Variants in MAPKBP1 observed in about 807,000 individuals in gnomAD.
MAPKBP1 encodes the protein mitogen-activated protein kinase-binding protein 1.
In MAPKBP1, 71 loss-of-function variants were observed where a neutral mutation model predicts 170.5. The ratio of observed to expected loss-of-function variants is 0.42; its 90% CI spans 0.34 to 0.51. The LOEUF (loss-of-function observed/expected upper bound fraction) is 0.51. MAPKBP1 is among the 20% of genes least tolerant of loss of function. The probability of loss-of-function intolerance (pLI) is 0.06; values close to 1 mark genes in which losing one functional copy is unlikely to be tolerated. For missense variants in MAPKBP1, 1,598 were observed against 1,933.0 expected, an observed-to-expected ratio of 0.83 and a Z score of 3.25; for synonymous variants, 719 against 757.9, an observed-to-expected ratio of 0.95 and a Z score of 0.84.
chr15:41,826,752 G>A lies in MAPKBP1; in HGVS notation c.*1316G>A, dbSNP rs946164987. The A allele has an allele frequency of 6.6e-6, 1 of 152,352 alleles. No homozygotes were observed. The highest frequency in any genetic ancestry group is 1.9e-4 in the East Asian group (1 of 5,196). 9.4% of individuals were successfully genotyped at this position (152,352 alleles called of 1,614,324 possible). The stretch of plus-strand genomic sequence containing the variant: ...ACTAGAAAAGTGGTAGATGGGACAG[G>A]TAAGTGGCAGAGGTGAGGGGATAAG... On this transcript the variant is annotated 3_prime_UTR_variant, in exon 31 of 31. Transcript: ENST00000457542.
At chr15:41,784,529 A>C (rs551618558) in intron 2 of MAPKBP1, among the ~76,000 whole-genome samples, 1 of 151,868 alleles carries the variant, frequency 6.6e-6, no homozygotes, top group Non-Finnish European at 1.5e-5. Context: ...CACACCTGTA[A>C]TCCCAGCACT....
At chr15:41,781,399 G>GTTTTT (rs71108134) in intron 2 of MAPKBP1, among the ~76,000 whole-genome samples, 3 of 140,352 alleles carry the variant, frequency 2.1e-5, no homozygotes, top group Non-Finnish European at 3.1e-5. Flanking sequence ...GGGTTTTTTT[G>GTTTTT]TTTTTTTTTT....
rs1315795743 is a variant in MAPKBP1 at position 41,812,842 on chromosome 15, C to T, written c.637-77C>T. ...AGCAAGGAGGTGCTGGAGGCGTCCC[C>T]TGTACTCTCCTAGGGCCCAGTTTCC... On this transcript the variant is annotated intron_variant, in intron 7 of 30. Transcript: ENST00000457542. 10 of 1,512,546 alleles carry T rather than the reference C, an allele frequency of 6.6e-6. No individual in the cohort carries two copies. The African/African-American group carries it at 1.4e-4, about 21-fold the overall frequency. 93.7% of individuals were successfully genotyped at this position (1,512,546 alleles called of 1,614,324 possible).
chr15:41,825,194 G>T lies in MAPKBP1; in HGVS notation c.4300-15G>T. The stretch of plus-strand genomic sequence containing the variant: ...GACAGGCTCCTCCACCTCACTTCTG[G>T]GGGTGCTATTTCAGGTGGCTGGCTG... On this transcript the variant is annotated splice_polypyrimidine_tract_variant and intron_variant, in intron 30 of 30. Coordinates refer to ENST00000457542, the MANE Select transcript of MAPKBP1 (RefSeq NM_014994.3). 6.4e-7 allele frequency: 1 copy of T among 1,569,422 alleles called. No homozygotes were observed. Among genetic ancestry groups the T allele is most frequent in the South Asian group, 1.2e-5 (1 of 86,662 alleles).
chr15:41,808,049 G>GA lies in MAPKBP1; in HGVS notation c.207-2825dup, dbSNP rs1168595786. On this transcript the variant is annotated intron_variant, in intron 3 of 30. Coordinates refer to ENST00000457542, the MANE Select transcript of MAPKBP1 (RefSeq NM_014994.3). ...GTGAGACTCCATCTCAAAAAAAAAA[G>GA]AAAAAAAAATCTAAATCTGTGCACT... 1.2e-3 allele frequency among the ~76,000 whole-genome samples: 165 copies of GA among 138,688 alleles called. 3 individuals are homozygous for GA. In the South Asian group the frequency reaches 0.026, roughly 22 times the overall value. 91.0% of individuals were successfully genotyped at this position (138,688 alleles called of 152,430 possible).
Position 41,818,324 on chromosome 15 carries a change from C to A in MAPKBP1, c.2092+19C>A. 6.3e-7 allele frequency: 1 copy of A among 1,594,564 alleles called. No homozygotes were observed. The highest frequency in any genetic ancestry group is 8.6e-7 in the Non-Finnish European group (1 of 1,162,394). On this transcript the variant is annotated intron_variant, in intron 18 of 30. Transcript: ENST00000457542. The surrounding 1 kb of genome is among the most constrained non-coding windows in gnomAD (Gnocchi z 5.2). ...CACTCAGGTGAGTGTAGCCTGAATC[C>A]CCGAGTAGAAGCTGATACCTGCGTA...
intron 2 of MAPKBP1, among the ~76,000 whole-genome samples, chr15:41,776,744 T>G (rs375653275): frequency 6.6e-6 from 1 of 152,256 alleles, no homozygotes; most frequent in Admixed American, 6.5e-5. Context: ...AAACATATAA[T>G]GAGAGTTTAG....
At position 41,818,826 on chromosome 15, in the gene MAPKBP1, C is replaced by T. The variant is rs775416862; in HGVS notation, c.2160C>T (p.Cys720=). ...CAACTGTGTGGCTTTACCCCAGCTG[C>T]ATATTTGTGTGGCGCCTGAGCTCTG... ...KHLISVSGDS[C]IFVWRLSSEM... Residue 720 remains cysteine (C), a synonymous_variant, in exon 20 of 31, where the codon TGC becomes TGT. Coordinates refer to ENST00000457542, the MANE Select transcript of MAPKBP1 (RefSeq NM_014994.3). This position sits in a 1 kb window ranked among gnomAD's most constrained non-coding sequence, Gnocchi z 5.2. 4.3e-6 allele frequency: 7 copies of T among 1,613,920 alleles called. No individual in the cohort carries two copies. Among genetic ancestry groups the T allele is most frequent in the Non-Finnish European group, 3.4e-6 (4 of 1,179,888 alleles).
At chr15:41,780,344 C>A (rs548137564) in intron 2 of MAPKBP1, among the ~76,000 whole-genome samples, 1 of 152,314 alleles carries the variant, frequency 6.6e-6, no homozygotes, top group African/African-American at 2.4e-5. Flanking sequence ...TCCCCACCAA[C>A]CCTCTGAGTC....
At chr15:41,810,767 C>A in intron 3 of MAPKBP1, 116 bp from the exon 4 acceptor site, 2 of 705,136 alleles carry the variant, frequency 2.8e-6, no homozygotes, top group Non-Finnish European at 5.0e-6. Context: ...TGGAGCCCTT[C>A]TGAGCTCTTT....
At chr15:41,809,463 C>T (rs1252762943) in intron 3 of MAPKBP1, among the ~76,000 whole-genome samples, 1 of 152,206 alleles carries the variant, frequency 6.6e-6, no homozygotes, top group African/African-American at 2.4e-5. Context: ...CAACTTGCAC[C>T]TACCTCCCTT....
rs974698342 is a variant in MAPKBP1, at chr15:41,816,998, C to T, written c.1674C>T (p.Asp558=). ...GREYSLQQTL[D]EHSSSITAVK... The stretch of plus-strand genomic sequence containing the variant: ...AGTACAGCCTACAGCAGACGCTGGA[C>T]GAACACTCATCCTCCATCACTGCTG... The change falls in exon 14 of 31, where the codon GAC becomes GAT. Residue 558 remains aspartate, a synonymous_variant. Coordinates refer to ENST00000457542, the MANE Select transcript of MAPKBP1 (RefSeq NM_014994.3). 30 of 1,609,220 alleles carry T rather than the reference C, an allele frequency of 1.9e-5. No homozygotes were observed. Among genetic ancestry groups the T allele is most frequent in the African/African-American group, 2.7e-5 (2 of 74,818 alleles).
At chr15:41,784,578 T>G (rs550450981) in intron 2 of MAPKBP1, among the ~76,000 whole-genome samples, 3 of 151,302 alleles carry the variant, frequency 2.0e-5, no homozygotes, top group East Asian at 3.9e-4. Flanking sequence ...GGTCAAGAGA[T>G]CTAGACCATC....
intron 28 of MAPKBP1, 43 bp from the exon 29 acceptor site, chr15:41,823,404 T>C (rs771756366): frequency 1.3e-6 from 2 of 1,573,900 alleles, no homozygotes; most frequent in South Asian, 2.3e-5. Flanking sequence ...CTGGGATGCC[T>C]TCCTCAACAC....
chr15:41,813,385 A>G lies in MAPKBP1; in HGVS notation c.820-236A>G, dbSNP rs1247994075. 2.6e-6 allele frequency: 4 copies of G among 1,521,358 alleles called. No individual in the cohort carries two copies. In the South Asian group the frequency reaches 3.4e-5, roughly 13 times the overall value. 94.2% of individuals were successfully genotyped at this position (1,521,358 alleles called of 1,614,324 possible). ...TGCACCTTCCTCTCTTTCTCATGCT[A>G]TTTCTTTCTCTTCACTGGGCTTTTC... On this transcript the variant is annotated intron_variant, in intron 8 of 30. Transcript: ENST00000457542.
At chr15:41,806,959 C>G (rs1026374866) in intron 3 of MAPKBP1, among the ~76,000 whole-genome samples, 1 of 152,226 alleles carries the variant, frequency 6.6e-6, no homozygotes, top group African/African-American at 2.4e-5. Context: ...ACTTCAGCAT[C>G]TGCGTTATCG....
intron 6 of MAPKBP1, 40 bp downstream of exon 6, chr15:41,812,167 G>T (rs375077888): frequency 5.6e-6 from 9 of 1,611,054 alleles, no homozygotes; most frequent in Non-Finnish European, 7.6e-6. Context: ...CCTCACAGGG[G>T]TCAAGTGTCA....
intron 3 of MAPKBP1, among the ~76,000 whole-genome samples, chr15:41,803,600 A>G (rs2064639447): frequency 6.6e-6 from 1 of 151,778 alleles, no homozygotes; most frequent in Admixed American, 6.6e-5. Context: ...CTGTAGTCCT[A>G]GCAACTGGGG....
At chr15:41,822,774 G>A (rs1262780133) in intron 27 of MAPKBP1, 97 bp downstream of exon 27, 14 of 1,500,708 alleles carry the variant, frequency 9.3e-6, no homozygotes, top group Middle Eastern at 1.9e-4. Flanking sequence ...CTCCATGCGC[G>A]GGGTGTTTTG....
Sources: allele counts gnomAD v4.1 joint callset (sites outside exome capture counted in the v4.1 genomes callset), GRCh38; gene constraint gnomAD v4.1.1; non-coding constraint Gnocchi (gnomAD v3.1); transcripts MANE v1.5; gene names NCBI Gene and HGNC (gene_info 2026-07-23, HGNC 2026-07-21).